The following RABGAP1 variants were observed in gnomAD, a reference collection of about 807,000 sequenced individuals.
RABGAP1 encodes the protein RAB GTPase activating protein 1.
Under a neutral mutation model 137.6 loss-of-function variants are expected in RABGAP1, and 23 were observed. The observed-to-expected ratio is 0.17, with a 90% confidence interval of 0.12 to 0.24. The LOEUF (loss-of-function observed/expected upper bound fraction) is 0.24, where lower values mean the gene tolerates loss of function less well. RABGAP1 is among the 10% of genes least tolerant of loss of function. The pLI, the probability that RABGAP1 is intolerant of heterozygous loss-of-function variation, is 1.00. For missense variants in RABGAP1, 906 were observed against 1,275.8 expected (o/e 0.71, Z 4.42); for synonymous variants, 451 against 450.7 (o/e 1.00, Z -0.01).
chr9:123,014,563 G>A (rs561116352), intron 11 of RABGAP1, among the ~76,000 whole-genome samples: 3 of 151,290 alleles, frequency 2.0e-5, no homozygotes, highest in African/African-American at 4.9e-5. Flanking sequence ...ATTTTATACC[G>A]TATTTTGCCG....
Position 123,090,348 on chromosome 9 carries a change from T to A in RABGAP1, c.2591T>A (p.Val864Glu). ...AACGATGACTTAGCCCATGAGCTGG[T>A]GACCAGCAAGATTGCACTACGGAAG... ...QENDDLAHEL[V>E]TSKIALRKDL... Residue 864 changes from valine (V) to glutamate (E), a missense_variant, in exon 21 of 26, where the codon GTG (valine) becomes GAG (glutamate). Coordinates refer to ENST00000373647, the MANE Select transcript of RABGAP1 (RefSeq NM_012197.4). The A allele has an allele frequency of 6.2e-7, 1 of 1,613,422 alleles. No homozygotes were observed.
rs1004621050 is a variant in RABGAP1 at position 122,980,181 on chromosome 9, C to G, written c.151-4304C>G. ...CTGCAAGAGAGACTACATATAAGGCCTGCAAAGCCTAAAATATTTATTATC... is the reference window on the plus strand; with the variant it reads ...CTGCAAGAGAGACTACATATAAGGCGTGCAAAGCCTAAAATATTTATTATC... On this transcript the variant is annotated intron_variant, in intron 2 of 25. Coordinates refer to ENST00000373647, the MANE Select transcript of RABGAP1 (RefSeq NM_012197.4). Among the ~76,000 whole-genome samples, 12 of 152,214 alleles carry G rather than the reference C, an allele frequency of 7.9e-5. No individual in the cohort carries two copies. The South Asian group carries it at 1.0e-3, about 13-fold the overall frequency.
At chr9:123,092,601 G>C (rs970796366) in intron 21 of RABGAP1, among the ~76,000 whole-genome samples, 1 of 151,702 alleles carries the variant, frequency 6.6e-6, no homozygotes, top group African/African-American at 2.4e-5. Flanking sequence ...AGTAAATATG[G>C]GACAAGGAGC....
In RABGAP1 at chr9:123,101,689, A is replaced by G; in HGVS notation, c.3013A>G (p.Asn1005Asp). ...GGATGAAGAGAAAGAGACGCTCAAGAACCAGCTGAGAGAAATGGAGCTAGA... is the reference window on the plus strand; with the variant it reads ...GGATGAAGAGAAAGAGACGCTCAAGGACCAGCTGAGAGAAATGGAGCTAGA... ...DTDEEKETLK[N>D]QLREMELELA... The change falls in exon 25 of 26, where the codon AAC becomes GAC. Residue 1005 changes from asparagine to aspartate, a missense_variant. Asn to Asp is a conservative substitution (Grantham distance 23, BLOSUM62 1). This residue lies in a region of RABGAP1 where 193 missense variants were observed against 248.1 expected (regional missense o/e 0.78). Transcript: ENST00000373647. 3.7e-6 allele frequency: 6 copies of G among 1,614,068 alleles called. No homozygotes were observed. Among genetic ancestry groups the G allele is most frequent in the Non-Finnish European group, 5.1e-6 (6 of 1,180,006 alleles).
chr9:123,064,811 G>C (rs2034114666), intron 13 of RABGAP1, among the ~76,000 whole-genome samples: 1 of 152,200 alleles, frequency 6.6e-6, no homozygotes, highest in African/African-American at 2.4e-5. Flanking sequence ...TAGCCTGTTT[G>C]AATCCCTTGG....
At chr9:122,941,450 T>G (rs1833559776) in intron 1 of RABGAP1, among the ~76,000 whole-genome samples, 1 of 152,228 alleles carries the variant, frequency 6.6e-6, no homozygotes, top group African/African-American at 2.4e-5. Context: ...GTTTTATGCT[T>G]GGTCCTATTT....
At chr9:123,082,436 A>C (rs1448162014) in intron 19 of RABGAP1, among the ~76,000 whole-genome samples, 1 of 152,170 alleles carries the variant, frequency 6.6e-6, no homozygotes, top group African/African-American at 2.4e-5. Flanking sequence ...CTTTCATACA[A>C]CTGCACCTTG....
At chr9:123,005,488 C>G (rs1048258437) in intron 10 of RABGAP1, among the ~76,000 whole-genome samples, 15 of 152,214 alleles carry the variant, frequency 9.9e-5, no homozygotes, top group Non-Finnish European at 1.5e-4. Context: ...TAACTTCCTT[C>G]TGAAATAAAA....
At chr9:123,004,183 G>T (rs1300494552) in intron 10 of RABGAP1, among the ~76,000 whole-genome samples, 1 of 152,198 alleles carries the variant, frequency 6.6e-6, no homozygotes, top group Non-Finnish European at 1.5e-5. Flanking sequence ...CTTAATTAAG[G>T]TGGTGACCAC....
intron 2 of RABGAP1, among the ~76,000 whole-genome samples, chr9:122,973,093 C>G (rs987320316): frequency 6.6e-6 from 1 of 151,746 alleles, no homozygotes; most frequent in Non-Finnish European, 1.5e-5. Context: ...TGAGAACTTT[C>G]CATAAAAGCA....
At chr9:123,015,453 G>A (rs1330862612) in intron 11 of RABGAP1, 90 bp from the exon 12 acceptor site, 2 of 742,628 alleles carry the variant, frequency 2.7e-6, no homozygotes, top group Non-Finnish European at 4.4e-6. Flanking sequence ...TCCCAGTAAA[G>A]TCTTTCAAAT....
intron 2 of RABGAP1, among the ~76,000 whole-genome samples, chr9:122,968,091 T>TA (rs1259221696): frequency 6.8e-6 from 1 of 147,372 alleles, no homozygotes; most frequent in Non-Finnish European, 1.5e-5. Flanking sequence ...CGTTAATGTG[T>TA]ATATATGCAT....
At chr9:123,058,066 G>GGGGGAGAA (rs1389590552) in intron 13 of RABGAP1, among the ~76,000 whole-genome samples, 3 of 150,154 alleles carry the variant, frequency 2.0e-5, no homozygotes, top group Non-Finnish European at 4.5e-5. Flanking sequence ...GAGGGGGAGA[G>GGGGGAGAA]GGGGAGGAGG....
intron 13 of RABGAP1, among the ~76,000 whole-genome samples, chr9:123,055,775 C>T (rs2033669121): frequency 6.6e-6 from 1 of 152,106 alleles, no homozygotes; most frequent in South Asian, 2.1e-4. Flanking sequence ...GTCTCGAACT[C>T]CTGACCTCAG....
At chr9:123,024,941 C>T (rs749708588) in intron 13 of RABGAP1, among the ~76,000 whole-genome samples, 18 of 152,150 alleles carry the variant, frequency 1.2e-4, no homozygotes, top group Non-Finnish European at 2.1e-4. Flanking sequence ...TTATGCCATA[C>T]AAGACATTTG....
intron 11 of RABGAP1, among the ~76,000 whole-genome samples, chr9:123,012,414 T>C (rs1361159603): frequency 1.3e-5 from 2 of 152,238 alleles, no homozygotes; most frequent in Non-Finnish European, 2.9e-5. Context: ...GACACTATTA[T>C]GAAACCAGAG....
intron 4 of RABGAP1, 96 bp downstream of exon 4, chr9:122,986,515 G>C: frequency 7.8e-7 from 1 of 1,276,192 alleles, no homozygotes; most frequent in Non-Finnish European, 1.1e-6. Context: ...CATATTAATA[G>C]TTATTTTACT....
chr9:123,010,338 T>G lies in RABGAP1; in HGVS notation c.1375-16T>G. On this transcript the variant is annotated splice_polypyrimidine_tract_variant and intron_variant, in intron 10 of 25. Transcript: ENST00000373647. ...GAACTTTACTGCTTAATAAATAATA[T>G]TTTTTCATCTTCAAGATAAAGCAAA... is the stretch of plus-strand genomic sequence containing the variant. 2 of 1,580,592 alleles carry G rather than the reference T, an allele frequency of 1.3e-6. No individual in the cohort carries two copies. Among genetic ancestry groups the G allele is most frequent in the South Asian group, 2.3e-5 (2 of 86,442 alleles).
intron 19 of RABGAP1, among the ~76,000 whole-genome samples, chr9:123,087,836 CACTG>C (rs1297509875): frequency 1.3e-5 from 2 of 152,162 alleles, no homozygotes; most frequent in African/African-American, 4.8e-5. Context: ...CGTCTGGAGA[CACTG>C]ACACCAACAC....
Sources: allele counts gnomAD v4.1 joint callset (sites outside exome capture counted in the v4.1 genomes callset), GRCh38; gene constraint gnomAD v4.1.1; regional missense constraint gnomAD v4.1.1; transcripts MANE v1.5; gene names NCBI Gene and HGNC (gene_info 2026-07-23, HGNC 2026-07-21).